ERC1: variants seen among roughly 807,000 people sequenced by gnomAD.
The protein encoded by ERC1 is RAB6 interacting protein 2.
ERC1 carries 56 observed loss-of-function variants against 132.0 expected under a neutral mutation model. The observed-to-expected ratio is 0.42, with a 90% CI of 0.34 to 0.53. The LOEUF is 0.53. Ranked by LOEUF, ERC1 falls within the 20% of genes least tolerant of loss-of-function variation. ERC1 has a pLI of 0.03. For missense variants in ERC1, 1,202 were observed against 1,349.9 expected, an observed-to-expected ratio of 0.89 and a Z score of 1.72; for synonymous variants, 478 against 476.1, an observed-to-expected ratio of 1.00 and a Z score of -0.05.
intron 12 of ERC1, among the ~76,000 whole-genome samples, chr12:1,236,040 T>C (rs191239978): frequency 7.0e-4 from 106 of 152,304 alleles, no homozygotes; most frequent in African/African-American, 2.3e-3. Context: ...GGGAATAATA[T>C]TGAATATCAT....
At chr12:1,412,043 G>A (rs946324740) in intron 17 of ERC1, among the ~76,000 whole-genome samples, 1 of 152,172 alleles carries the variant, frequency 6.6e-6, no homozygotes, top group African/African-American at 2.4e-5. Flanking sequence ...TTAACACCAT[G>A]CAATTGCAAT....
rs572209234 is a variant in ERC1 at position 1,200,896 on chromosome 12, C to A, written c.2351+10844C>A. ...CTTACCATTGCCCATAATATTCAGA[C>A]CCTTTAGGAGTTAAAAAGAGAGATT... On this transcript the variant is annotated intron_variant, in intron 12 of 18. Transcript: ENST00000360905. 3.9e-5 allele frequency among the ~76,000 whole-genome samples: 6 copies of A among 152,208 alleles called. No individual in the cohort carries two copies. In the South Asian group the frequency reaches 8.3e-4, roughly 21 times the overall value.
chr12:1,353,496 T>C (rs1310373943), intron 15 of ERC1, among the ~76,000 whole-genome samples: 2 of 152,200 alleles, frequency 1.3e-5, no homozygotes, highest in Non-Finnish European at 2.9e-5. Flanking sequence ...ATAAAAAATA[T>C]AAATAAAACT....
At chr12:1,104,175 C>A (rs1306952791) in intron 3 of ERC1, among the ~76,000 whole-genome samples, 3 of 150,806 alleles carry the variant, frequency 2.0e-5, no homozygotes, top group African/African-American at 7.3e-5. Context: ...TGAACCTGAA[C>A]TACTTAGGAA....
At chr12:1,076,645 G>A (rs922146555) in intron 2 of ERC1, among the ~76,000 whole-genome samples, 2 of 152,174 alleles carry the variant, frequency 1.3e-5, no homozygotes, top group East Asian at 3.9e-4. Context: ...CGCCTGCCTT[G>A]GCTTCCCAAA....
In ERC1 at chr12:1,101,972, G is replaced by T. The variant is rs114665188; in HGVS notation, c.1087-2778G>T. On this transcript the variant is annotated intron_variant, in intron 3 of 18. Transcript: ENST00000360905. ...TCGCATAAAGTTACTCTGTGGATTA[G>T]TGAAGGCTTTGGATTCAGGCTATAG... 7.4e-3 allele frequency among the ~76,000 whole-genome samples: 1,121 copies of T among 152,276 alleles called. 12 individuals are homozygous for T. Among genetic ancestry groups the T allele is most frequent in the African/African-American group, 0.026 (1,062 of 41,558 alleles).
At chr12:1,232,070 G>A (rs1386636068) in intron 12 of ERC1, among the ~76,000 whole-genome samples, 2 of 151,980 alleles carry the variant, frequency 1.3e-5, no homozygotes, top group African/African-American at 4.8e-5. Flanking sequence ...TTCTTGGCTG[G>A]CAGTTTTTGT....
intron 12 of ERC1, among the ~76,000 whole-genome samples, chr12:1,214,731 T>C (rs1958234491): frequency 6.6e-6 from 1 of 151,966 alleles, no homozygotes; most frequent in African/African-American, 2.4e-5. Context: ...AAAAAGGATA[T>C]GTTAGTAACC....
chr12:1,354,005 C>A (rs1160893414), intron 15 of ERC1, among the ~76,000 whole-genome samples: 1 of 151,088 alleles, frequency 6.6e-6, no homozygotes, highest in Admixed American at 6.6e-5. Flanking sequence ...AAGACCATTC[C>A]CCCTCAGTTC....
chr12:1,145,421 G>A (rs1950262010), intron 8 of ERC1, among the ~76,000 whole-genome samples: 1 of 152,032 alleles, frequency 6.6e-6, no homozygotes, highest in East Asian at 1.9e-4. Flanking sequence ...ACTTTTTGAT[G>A]GGATTATTTG....
intron 1 of ERC1, among the ~76,000 whole-genome samples, chr12:1,021,024 C>T (rs1966277741): frequency 6.6e-6 from 1 of 152,168 alleles, no homozygotes; most frequent in South Asian, 2.1e-4. Flanking sequence ...ACTGCAGCCT[C>T]CACCTCCCGG....
chr12:1,261,181 T>G (rs899633482), intron 13 of ERC1, among the ~76,000 whole-genome samples: 3 of 152,212 alleles, frequency 2.0e-5, no homozygotes, highest in Admixed American at 6.5e-5. Flanking sequence ...TGAAATAGAT[T>G]CCTGGGAAGT....
intron 17 of ERC1, among the ~76,000 whole-genome samples, chr12:1,410,643 G>A (rs1425623656): frequency 2.2e-5 from 3 of 138,740 alleles, no homozygotes; most frequent in East Asian, 4.0e-4. Context: ...GGATTTTGTG[G>A]CTTTTTTTTT....
chr12:1,209,763 G>C (rs1488353689), intron 12 of ERC1, among the ~76,000 whole-genome samples: 1 of 152,110 alleles, frequency 6.6e-6, no homozygotes, highest in Non-Finnish European at 1.5e-5. Context: ...TCTGTTGAGC[G>C]TGCTTTGACT....
At chr12:1,125,413 TA>T (rs775745817) in intron 7 of ERC1, among the ~76,000 whole-genome samples, 3 of 151,844 alleles carry the variant, frequency 2.0e-5, no homozygotes, top group Non-Finnish European at 2.9e-5. Flanking sequence ...TGAGGAAAAA[TA>T]AATAAATTAA....
chr12:1,191,151 G>C (rs753155561), intron 12 of ERC1, among the ~76,000 whole-genome samples: 6 of 151,772 alleles, frequency 4.0e-5, no homozygotes, highest in Non-Finnish European at 8.8e-5. Context: ...CTCTTATTTT[G>C]GTATTAACTC....
intron 12 of ERC1, among the ~76,000 whole-genome samples, chr12:1,233,044 A>G (rs2075160521): frequency 6.6e-6 from 1 of 152,328 alleles, no homozygotes; most frequent in South Asian, 2.1e-4. Flanking sequence ...TTACTAAAAT[A>G]ATTTATTCAG....
chr12:1,483,704 T>TTG, intron 18 of ERC1, among the ~76,000 whole-genome samples: 1 of 121,096 alleles, frequency 8.3e-6, no homozygotes, highest in Non-Finnish European at 1.7e-5. Context: ...TTTTTTTTTT[T>TTG]TTGGAGACAG....
At chr12:1,301,404 T>C (rs746047909) in intron 15 of ERC1, among the ~76,000 whole-genome samples, 72 of 152,130 alleles carry the variant, frequency 4.7e-4, no homozygotes, top group Admixed American at 8.5e-4. Flanking sequence ...AACAAAGACA[T>C]GGAATCAACC....
Sources: gnomAD v4.1 joint callset for allele counts (sites outside exome capture counted in the v4.1 genomes callset) on GRCh38, gnomAD v4.1.1 for gene constraint, MANE v1.5 for transcripts, NCBI Gene and HGNC (gene_info 2026-07-23, HGNC 2026-07-21) for gene names.